The following MAGED1 variants were observed in gnomAD, a reference collection of about 807,000 sequenced individuals.
MAGED1 encodes melanoma-associated antigen D1.
Under a neutral mutation model 54.1 loss-of-function variants are expected in MAGED1, and 3 were observed. The observed-to-expected ratio is 0.06, with a 90% CI of 0.03 to 0.14. The LOEUF (loss-of-function observed/expected upper bound fraction) is 0.14, where lower values mean the gene tolerates loss of function less well. Among genes scored for constraint, MAGED1 ranks in the 10% least tolerant of loss-of-function variants. The probability of loss-of-function intolerance (pLI) is 1.00; values close to 1 mark genes in which losing one functional copy is unlikely to be tolerated. For missense variants in MAGED1, 485 were observed against 623.4 expected, an observed-to-expected ratio of 0.78 and a Z score of 2.36; for synonymous variants, 217 against 227.3, an observed-to-expected ratio of 0.95 and a Z score of 0.41.
intron 1 of MAGED1, among the ~76,000 whole-genome samples, chrX:51,808,141 C>G (rs1229001354): frequency 1.2e-4 from 13 of 112,121 alleles, no homozygotes; most frequent in Admixed American, 2.8e-4. Flanking sequence ...ATTTATTTTC[C>G]TCAATAAGCC....
At position 51,830,567 on chromosome X, in the gene MAGED1, A is replaced by G. The variant is rs376921527; in HGVS notation, c.-37+27450A>G. Among the ~76,000 whole-genome samples the G allele has an allele frequency of 3.6e-3, 392 of 110,212 alleles. 1 individual carries two copies. The highest frequency in any genetic ancestry group is 5.6e-3 in the Non-Finnish European group (296 of 52,727). On this transcript the variant is annotated intron_variant, in intron 1 of 12. Transcript: ENST00000375772. ...GATGAGGAAAGAGGAAAAAAAAAAA[A>G]GGTAGTACCTGGAGAAAGATGCAGA...
At chrX:51,814,635 A>G (rs1925348928) in intron 1 of MAGED1, among the ~76,000 whole-genome samples, 1 of 111,525 alleles carries the variant, frequency 9.0e-6, no homozygotes, top group Non-Finnish European at 1.9e-5. Context: ...TCAATGACAG[A>G]TCACATATGA....
intron 2 of MAGED1, 200 bp downstream of exon 2, chrX:51,894,549 G>C: frequency 1.1e-6 from 1 of 939,971 alleles, no homozygotes; most frequent in Non-Finnish European, 1.5e-6. Context: ...TCAGAGAGAG[G>C]GGAGACCCTG....
chrX:51,847,207 C>T lies in MAGED1; in HGVS notation c.-37+44090C>T, dbSNP rs1375520173. On this transcript the variant is annotated intron_variant, in intron 1 of 12. Coordinates refer to the MAGED1 transcript ENST00000375772. ...AAAGTGTACAAATACACCTTCAGCT[C>T]ACTCTCATCCCATTTCCCTTGTTTC... Among the ~76,000 whole-genome samples the T allele has an allele frequency of 4.5e-5, 5 of 111,656 alleles. No homozygotes were observed. The Admixed American group carries it at 4.7e-4, about 11-fold the overall frequency.
intron 1 of MAGED1, chrX:51,857,814 G>A (rs1251038731): frequency 8.9e-6 from 1 of 112,184 alleles, no homozygotes; most frequent in African/African-American, 3.2e-5. Flanking sequence ...GATTCATAAA[G>A]GCATCACCTT....
At chrX:51,814,798 G>A (rs1332677592) in intron 1 of MAGED1, among the ~76,000 whole-genome samples, 2 of 109,354 alleles carry the variant, frequency 1.8e-5, no homozygotes, top group Non-Finnish European at 3.8e-5. Context: ...TATAAAACTA[G>A]AACAAGTACC....
intron 1 of MAGED1, among the ~76,000 whole-genome samples, chrX:51,876,366 A>G (rs1347662228): frequency 9.0e-6 from 1 of 110,740 alleles, no homozygotes; most frequent in Admixed American, 9.6e-5. Flanking sequence ...AGCCTTCAGG[A>G]ACAAATCAAA....
chrX:51,810,972 T>C (rs1557355491), intron 1 of MAGED1, among the ~76,000 whole-genome samples: 1 of 112,182 alleles, frequency 8.9e-6, no homozygotes, highest in South Asian at 3.7e-4. Flanking sequence ...GTTGTTGATT[T>C]TTATTTTAAA....
At position 51,894,953 on chromosome X, in the gene MAGED1, TGCAGCTCC is replaced by T. The variant is rs1464780052; in HGVS notation, c.46-97_46-90del. 18 of 911,659 alleles carry T rather than the reference TGCAGCTCC, an allele frequency of 2.0e-5. No homozygotes were observed. The African/African-American group carries it at 3.3e-4, about 17-fold the overall frequency. The allele number at this position is 911,659 out of a possible 1,213,427, so 75.1% of individuals were successfully genotyped here. A position where few individuals can be genotyped will look rare whatever the true frequency, so the allele number is the denominator to read the frequency against. ...CCTGTTTTTGCACCCACCGCCCGCCTGCAGCTCCGCTGCTGCGCTGCCACCCGGGCTCC... is the reference window on the plus strand; with the variant it reads ...CCTGTTTTTGCACCCACCGCCCGCCTGCTGCTGCGCTGCCACCCGGGCTCC... On this transcript the variant is annotated intron_variant, in intron 2 of 12. Transcript: ENST00000326587.
intron 7 of MAGED1, 75 bp downstream of exon 7, chrX:51,897,961 G>T: frequency 9.6e-6 from 9 of 942,397 alleles, no homozygotes; most frequent in Non-Finnish European, 1.4e-5. Flanking sequence ...GTAGATCAGG[G>T]TCCAGGGTTC....
At chrX:51,871,788 C>A (rs1927684644) in intron 1 of MAGED1, among the ~76,000 whole-genome samples, 1 of 111,492 alleles carries the variant, frequency 9.0e-6, no homozygotes, top group Admixed American at 9.5e-5. Context: ...GAGTATATAC[C>A]TAGTAATGGG....
At chrX:51,876,880 A>C (rs1209352841) in intron 1 of MAGED1, among the ~76,000 whole-genome samples, 2 of 111,487 alleles carry the variant, frequency 1.8e-5, no homozygotes, top group African/African-American at 6.5e-5. Flanking sequence ...TTTCTCATTT[A>C]ATATTACAAT....
At chrX:51,869,097 G>A (rs994524931) in intron 1 of MAGED1, among the ~76,000 whole-genome samples, 1 of 111,667 alleles carries the variant, frequency 9.0e-6, no homozygotes, top group Non-Finnish European at 1.9e-5. Context: ...GGTGGTATGA[G>A]AATGTGTGGA....
At chrX:51,885,676 G>A (rs1350397174) in intron 1 of MAGED1, among the ~76,000 whole-genome samples, 4 of 110,600 alleles carry the variant, frequency 3.6e-5, no homozygotes, top group Non-Finnish European at 5.7e-5. Flanking sequence ...AACCAATCCC[G>A]GGGCACTTCC....
At chrX:51,817,488 C>G (rs1373896310) in intron 1 of MAGED1, among the ~76,000 whole-genome samples, 3 of 112,099 alleles carry the variant, frequency 2.7e-5, no homozygotes, top group Non-Finnish European at 5.6e-5. Context: ...CTAATGTGTT[C>G]TATTCACTGC....
At chrX:51,895,817 G>A (rs1928727237) in intron 3 of MAGED1, 57 bp downstream of exon 3, 2 of 929,475 alleles carry the variant, frequency 2.2e-6, no homozygotes, top group Admixed American at 3.1e-5. Flanking sequence ...TTCTCTGAGG[G>A]TGTTCATTTG....
upstream of MAGED1, chrX:51,893,541 A>G (rs782529925): frequency 8.8e-6 from 1 of 113,929 alleles, no homozygotes; most frequent in African/African-American, 3.2e-5. Context: ...GGCGGGACTG[A>G]CTTTGGCTCT....
At chrX:51,847,593 C>G (rs1218102723) in intron 1 of MAGED1, among the ~76,000 whole-genome samples, 16 of 110,213 alleles carry the variant, frequency 1.5e-4, no homozygotes, top group Non-Finnish European at 2.8e-4. Context: ...CTGCCAGCAG[C>G]AGGCTCCCAT....
Position 51,898,285 on chromosome X carries a change from C to G in MAGED1, c.1739C>G (p.Ala580Gly). The G allele has an allele frequency of 1.7e-6, 2 of 1,210,588 alleles. No individual in the cohort carries two copies. The highest frequency in any genetic ancestry group is 2.2e-6 in the Non-Finnish European group (2 of 894,573). Residue 580 changes from alanine to glycine, a missense_variant and splice_region_variant, in exon 9 of 13, where the codon GCT (alanine) becomes GGT (glycine). Physicochemically the swap from Ala to Gly is moderately conservative, Grantham distance 60. Transcript: ENST00000326587. ...TGTCTCCCCTTGCCTCCCATTGCAG[C>G]TGTCCTCTGGGAGGCACTACGCAAG... ...IFMNGNRASEAVLWEALRKMG... is the reference protein window; with the variant it reads ...IFMNGNRASEGVLWEALRKMG...
Sources: gnomAD v4.1 joint callset for allele counts (sites outside exome capture counted in the v4.1 genomes callset) on GRCh38, gnomAD v4.1.1 for gene constraint, MANE v1.5 for transcripts, NCBI Gene and HGNC (gene_info 2026-07-23, HGNC 2026-07-21) for gene names.